Variants in PRKAA2 observed in about 807,000 individuals in gnomAD.
The protein encoded by PRKAA2 is 5'-AMP-activated protein kinase catalytic subunit alpha-2.
PRKAA2 carries 40 observed loss-of-function variants against 56.3 expected under a neutral mutation model. That is an observed-to-expected ratio of 0.71 (90% confidence interval 0.55 to 0.92). PRKAA2 has a LOEUF of 0.92. Ranked by LOEUF, PRKAA2 falls within the 40% of genes least tolerant of loss-of-function variation. The probability of loss-of-function intolerance (pLI) is 0.00; values close to 1 mark genes in which losing one functional copy is unlikely to be tolerated. For missense variants in PRKAA2, 542 were observed against 686.9 expected, an observed-to-expected ratio of 0.79 and a Z score of 2.36; for synonymous variants, 214 against 234.2, an observed-to-expected ratio of 0.91 and a Z score of 0.79.
At chr1:56,692,589 C>T in intron 4 of PRKAA2, 87 bp downstream of exon 4, 2 of 1,358,202 alleles carry the variant, frequency 1.5e-6, no homozygotes, top group Middle Eastern at 1.9e-4. Flanking sequence ...ACTTTTCAAC[C>T]TTGTACGTTC....
At chr1:56,682,708 C>G (rs1644163621) in intron 2 of PRKAA2, among the ~76,000 whole-genome samples, 1 of 152,076 alleles carries the variant, frequency 6.6e-6, no homozygotes, top group African/African-American at 2.4e-5. Flanking sequence ...GCAGACAGAC[C>G]AGTTGGGAAG....
At chr1:56,663,409 C>A (rs1392430648) in intron 1 of PRKAA2, among the ~76,000 whole-genome samples, 1 of 152,198 alleles carries the variant, frequency 6.6e-6, no homozygotes, top group Admixed American at 6.5e-5. Context: ...CTTCACCAGT[C>A]CACTGTACTT....
chr1:56,714,188 C>G lies in PRKAA2; in HGVS notation c.*6475C>G, dbSNP rs1569814219. On this transcript the variant is annotated 3_prime_UTR_variant, in exon 9 of 9. Transcript: ENST00000371244. ...TGAATGGCAGTTTTTATATTTTAAC[C>G]CTTTAAAAAGTTTGTCAAGGAAACA... The G allele has an allele frequency of 6.6e-6, 1 of 151,924 alleles. No homozygotes were observed. 9.4% of individuals were successfully genotyped at this position (151,924 alleles called of 1,614,324 possible). A position where few individuals can be genotyped will look rare whatever the true frequency, so the allele number is the denominator to read the frequency against.
chr1:56,657,374 A>G (rs1643952852), intron 1 of PRKAA2, among the ~76,000 whole-genome samples: 1 of 152,162 alleles, frequency 6.6e-6, no homozygotes. Context: ...CCCAGCAAAA[A>G]TGTTCTTCAA....
chr1:56,703,845 G>A (rs1644313224), intron 6 of PRKAA2, 126 bp from the exon 7 acceptor site: 20 of 1,048,756 alleles, frequency 1.9e-5, no homozygotes, highest in Non-Finnish European at 2.8e-5. Context: ...CACATAGCTA[G>A]TAAGTGGCAG....
rs1302900503 is a variant in PRKAA2 at position 56,704,053 on chromosome 1, G to A, written c.871G>A (p.Glu291Lys). 6.2e-7 allele frequency: 1 copy of A among 1,614,098 alleles called. No homozygotes were observed. Among genetic ancestry groups the A allele is most frequent in the Non-Finnish European group, 8.5e-7 (1 of 1,179,968 alleles). ...PSYDANVIDD[E>K]AVKEVCEKFE... ...CTATGATGCTAACGTCATTGATGAT[G>A]AGGCTGTGAAAGAAGTGTGTGAAAA... The change falls in exon 7 of 9, where the codon GAG (glutamate) becomes AAG (lysine). Residue 291 changes from glutamate to lysine, a missense_variant. Physicochemically the swap from Glu to Lys is moderately conservative, Grantham distance 56. Transcript: ENST00000371244.
At chr1:56,648,340 T>C (rs985202219) in intron 1 of PRKAA2, among the ~76,000 whole-genome samples, 7 of 152,066 alleles carry the variant, frequency 4.6e-5, no homozygotes, top group African/African-American at 1.7e-4. Flanking sequence ...GTGTCGAGCT[T>C]CTTTAACAAT....
At chr1:56,657,911 G>A (rs181188543) in intron 1 of PRKAA2, among the ~76,000 whole-genome samples, 62 of 152,224 alleles carry the variant, frequency 4.1e-4, no homozygotes, top group African/African-American at 1.4e-3. Context: ...AATGAAGAGC[G>A]TTGGGAAGTC....
At chr1:56,681,874 T>A (rs1644157660) in intron 2 of PRKAA2, among the ~76,000 whole-genome samples, 1 of 152,186 alleles carries the variant, frequency 6.6e-6, no homozygotes, top group Non-Finnish European at 1.5e-5. Flanking sequence ...TTAAAGTCGT[T>A]TTTTCCAATT....
At chr1:56,645,921 C>G (rs1209328610) in intron 1 of PRKAA2, among the ~76,000 whole-genome samples, 1 of 152,124 alleles carries the variant, frequency 6.6e-6, no homozygotes, top group Non-Finnish European at 1.5e-5. Context: ...TGCCGGGTGC[C>G]CTGTTAGGTG....
chr1:56,696,788 T>C (rs891499586), intron 6 of PRKAA2, among the ~76,000 whole-genome samples: 1 of 152,140 alleles, frequency 6.6e-6, no homozygotes, highest in African/African-American at 2.4e-5. Flanking sequence ...TTGAGAAAGT[T>C]TGGAAAGTGC....
At chr1:56,689,068 A>C (rs1012846327) in intron 2 of PRKAA2, among the ~76,000 whole-genome samples, 1 of 152,164 alleles carries the variant, frequency 6.6e-6, no homozygotes, top group South Asian at 2.1e-4. Flanking sequence ...GACCTGTGAT[A>C]TACTCAGAAA....
At chr1:56,656,002 C>T (rs1643938410) in intron 1 of PRKAA2, among the ~76,000 whole-genome samples, 1 of 152,052 alleles carries the variant, frequency 6.6e-6, no homozygotes, top group African/African-American at 2.4e-5. Flanking sequence ...AGATATCAAA[C>T]ACAGAATTTT....
At chr1:56,682,106 T>C (rs564504196) in intron 2 of PRKAA2, among the ~76,000 whole-genome samples, 19 of 152,274 alleles carry the variant, frequency 1.2e-4, no homozygotes, top group Admixed American at 5.9e-4. Context: ...TATTTTATTC[T>C]CTTTGAAGCA....
chr1:56,656,301 A>C (rs1204344376), intron 1 of PRKAA2, among the ~76,000 whole-genome samples: 1 of 152,168 alleles, frequency 6.6e-6, no homozygotes, highest in Non-Finnish European at 1.5e-5. Flanking sequence ...AGAAAAAGTT[A>C]ATTGCAAACC....
Position 56,708,272 on chromosome 1 carries a change from A to G in PRKAA2, c.*559A>G, listed in dbSNP as rs1644345976. 6.5e-6 allele frequency: 1 copy of G among 154,154 alleles called. No individual in the cohort carries two copies. The highest frequency in any genetic ancestry group is 1.4e-5 in the Non-Finnish European group (1 of 69,304). The allele number at this position is 154,154 out of a possible 1,614,324, so 9.5% of individuals were successfully genotyped here. ...AACAGTATTTGTACAAATACTGCCTAGTGTATTCAACAGAAGGACTGTGGT... is the reference window on the plus strand; with the variant it reads ...AACAGTATTTGTACAAATACTGCCTGGTGTATTCAACAGAAGGACTGTGGT... On this transcript the variant is annotated 3_prime_UTR_variant, in exon 9 of 9. Transcript: ENST00000371244.
chr1:56,679,143 C>T (rs1644135629), intron 2 of PRKAA2, among the ~76,000 whole-genome samples: 1 of 152,078 alleles, frequency 6.6e-6, no homozygotes, highest in African/African-American at 2.4e-5. Flanking sequence ...TGAAAACTTT[C>T]CTTTATGGGC....
rs1644361283 is a variant in PRKAA2 at position 56,710,259 on chromosome 1, T to C, written c.*2546T>C. On this transcript the variant is annotated 3_prime_UTR_variant, in exon 9 of 9. Coordinates refer to ENST00000371244, the MANE Select transcript of PRKAA2 (RefSeq NM_006252.4). ...CATGGAAATGGACTCCATGTAGTTC[T>C]AGAACTGCATTTCCCAAAGTATATC... is the stretch of plus-strand genomic sequence containing the variant. 1 of 152,136 alleles carries C rather than the reference T, an allele frequency of 6.6e-6. No homozygotes were observed. Among genetic ancestry groups the C allele is most frequent in the Non-Finnish European group, 1.5e-5 (1 of 67,988 alleles). 9.4% of individuals were successfully genotyped at this position (152,136 alleles called of 1,614,324 possible). A position where few individuals can be genotyped will look rare whatever the true frequency, so the allele number is the denominator to read the frequency against.
At position 56,710,175 on chromosome 1, in the gene PRKAA2, A is replaced by AG. The variant is rs1334809704; in HGVS notation, c.*2463dup. 1 of 152,166 alleles carries AG rather than the reference A, an allele frequency of 6.6e-6. No individual in the cohort carries two copies. Among genetic ancestry groups the AG allele is most frequent in the African/African-American group, 2.4e-5 (1 of 41,448 alleles). The allele number at this position is 152,166 out of a possible 1,614,324, so 9.4% of individuals were successfully genotyped here. On this transcript the variant is annotated 3_prime_UTR_variant, in exon 9 of 9. Coordinates refer to ENST00000371244, the MANE Select transcript of PRKAA2 (RefSeq NM_006252.4). ...ATGTGGGCTAAGAATAATTTCCTCCAGTGAAGACACGGGAGAAGAGCTTCT... is the reference window on the plus strand; with the variant it reads ...ATGTGGGCTAAGAATAATTTCCTCCAGGTGAAGACACGGGAGAAGAGCTTCT...
Sources: allele counts gnomAD v4.1 joint callset (sites outside exome capture counted in the v4.1 genomes callset), GRCh38; gene constraint gnomAD v4.1.1; transcripts MANE v1.5; gene names NCBI Gene and HGNC (gene_info 2026-07-23, HGNC 2026-07-21).